Variants in TTPA observed in about 807,000 individuals in gnomAD.
TTPA encodes alpha-tocopherol transfer protein.
TTPA carries 23 observed loss-of-function variants against 25.9 expected under a neutral mutation model. The ratio of observed to expected loss-of-function variants is 0.89; its 90% confidence interval spans 0.64 to 1.26. TTPA has a LOEUF of 1.26. Among genes scored for constraint, TTPA ranks in the 50% most tolerant of loss-of-function variants. TTPA has a pLI of 0.00. For synonymous variants in TTPA, 148 were observed against 137.3 expected (o/e 1.08, Z -0.54); for missense variants, 337 against 353.1 (o/e 0.95, Z 0.37).
Position 63,061,238 on chromosome 8 carries a change from C to T in TTPA, c.*14G>A, listed in dbSNP as rs771452597. ...GTATTTTTAGTTAGGAAGCCATTCA[C>T]ATGACATAACTTCTCATTGAATGCT... On this transcript the variant is annotated 3_prime_UTR_variant, in exon 5 of 5. Coordinates refer to ENST00000260116, the MANE Select transcript of TTPA (RefSeq NM_000370.3). 8 of 1,612,172 alleles carry T rather than the reference C, an allele frequency of 5.0e-6. No individual in the cohort carries two copies. The African/African-American group carries it at 6.7e-5, about 13-fold the overall frequency.
intron 1 of TTPA, among the ~76,000 whole-genome samples, chr8:63,080,051 C>T (rs1001560018): frequency 4.6e-5 from 7 of 152,138 alleles, no homozygotes; most frequent in Admixed American, 6.5e-5. Flanking sequence ...GAAACTGAAC[C>T]ACCTGCTCCT....
At chr8:63,066,596 G>C (rs1044325938) in intron 2 of TTPA, among the ~76,000 whole-genome samples, 3 of 152,114 alleles carry the variant, frequency 2.0e-5, no homozygotes, top group African/African-American at 7.2e-5. Context: ...CAGGAATTGA[G>C]GGCTTGGGAA....
chr8:63,073,951 A>G (rs1007624732), intron 1 of TTPA, among the ~76,000 whole-genome samples: 5 of 152,108 alleles, frequency 3.3e-5, no homozygotes, highest in Admixed American at 3.3e-4. Flanking sequence ...TACAAACACT[A>G]CCAGCATATT....
intron 1 of TTPA, among the ~76,000 whole-genome samples, chr8:63,083,197 C>T (rs932409143): frequency 6.6e-6 from 1 of 152,124 alleles, no homozygotes; most frequent in Non-Finnish European, 1.5e-5. Context: ...CGTATGTTTA[C>T]TGCGGCACTA....
In TTPA at chr8:63,084,016, C is replaced by G. The variant is rs1805705996; in HGVS notation, c.204+1802G>C. Among the ~76,000 whole-genome samples the G allele has an allele frequency of 3.3e-5, 5 of 151,914 alleles. No individual in the cohort carries two copies. The South Asian group carries it at 1.0e-3, about 32-fold the overall frequency. On this transcript the variant is annotated intron_variant, in intron 1 of 4. Transcript: ENST00000260116. ...TCTCCCACTTCAGCCTCCCAAGTAG[C>G]TGGGATTACATGCACGTGCCACCAC...
At chr8:63,076,623 C>A (rs1404786017) in intron 1 of TTPA, among the ~76,000 whole-genome samples, 1 of 152,070 alleles carries the variant, frequency 6.6e-6, no homozygotes, top group African/African-American at 2.4e-5. Flanking sequence ...TATATTATGT[C>A]CCAGAGGCTG....
intron 3 of TTPA, among the ~76,000 whole-genome samples, chr8:63,064,647 C>T (rs970879440): frequency 6.6e-6 from 1 of 152,070 alleles, no homozygotes; most frequent in African/African-American, 2.4e-5. Flanking sequence ...TTATATTTAA[C>T]TTTTTCCCAA....
intron 2 of TTPA, among the ~76,000 whole-genome samples, chr8:63,066,326 G>A (rs962618418): frequency 6.6e-6 from 1 of 152,190 alleles, no homozygotes; most frequent in Non-Finnish European, 1.5e-5. Flanking sequence ...GCGGAAAAAG[G>A]AATGGACACA....
chr8:63,062,250 T>C (rs535193387), intron 4 of TTPA, among the ~76,000 whole-genome samples: 1 of 152,116 alleles, frequency 6.6e-6, no homozygotes, highest in East Asian at 1.9e-4. Flanking sequence ...ATTATGATAG[T>C]TGAGAACCTT....
downstream of TTPA, among the ~76,000 whole-genome samples, chr8:63,059,072 C>T (rs1055182336): frequency 3.0e-4 from 36 of 119,358 alleles, no homozygotes; most frequent in African/African-American, 1.1e-3. Flanking sequence ...CGCTCTGTCA[C>T]CCAGGCTGGA....
At chr8:63,078,876 A>G (rs1805614693) in intron 1 of TTPA, among the ~76,000 whole-genome samples, 1 of 152,166 alleles carries the variant, frequency 6.6e-6, no homozygotes, top group South Asian at 2.1e-4. Context: ...ACCCCAAGAC[A>G]CATAATTGTC....
At chr8:63,085,749 G>C in intron 1 of TTPA, 69 bp downstream of exon 1, 3 of 1,507,172 alleles carry the variant, frequency 2.0e-6, no homozygotes, top group Non-Finnish European at 2.7e-6. Context: ...TCAGATATCC[G>C]GGGTCGTGGG....
At chr8:63,081,226 G>A (rs193271627) in intron 1 of TTPA, among the ~76,000 whole-genome samples, 3 of 151,946 alleles carry the variant, frequency 2.0e-5, no homozygotes, top group African/African-American at 4.8e-5. Flanking sequence ...GATGAACATC[G>A]ATGCAAAAAT....
chr8:63,073,940 A>G (rs1805520508), intron 1 of TTPA, among the ~76,000 whole-genome samples: 1 of 152,216 alleles, frequency 6.6e-6, no homozygotes, highest in Admixed American at 6.5e-5. Flanking sequence ...ATACGCAAAC[A>G]TACAAACACT....
intron 2 of TTPA, among the ~76,000 whole-genome samples, chr8:63,066,466 C>T (rs1426549766): frequency 2.0e-5 from 3 of 152,190 alleles, no homozygotes; most frequent in Non-Finnish European, 2.9e-5. Flanking sequence ...AATTAGGGCC[C>T]CATAGTAACT....
chr8:63,077,315 G>A (rs1421352946), intron 1 of TTPA, among the ~76,000 whole-genome samples: 1 of 152,208 alleles, frequency 6.6e-6, no homozygotes, highest in African/African-American at 2.4e-5. Context: ...TGGTTGGACA[G>A]TGGGTGCAGC....
chr8:63,059,026 T>TTTTTTTG (rs1805248744), downstream of TTPA, among the ~76,000 whole-genome samples: 1 of 100,972 alleles, frequency 9.9e-6, no homozygotes, highest in African/African-American at 3.6e-5. Context: ...TCCAGTTTTT[T>TTTTTTTG]TTTTTTTTTT....
chr8:63,062,309 A>G (rs1408659101), intron 4 of TTPA, among the ~76,000 whole-genome samples: 1 of 152,218 alleles, frequency 6.6e-6, no homozygotes. Context: ...AATGCCCTGA[A>G]GTTAAGAGAA....
At chr8:63,085,139 T>C (rs919816553) in intron 1 of TTPA, among the ~76,000 whole-genome samples, 19 of 152,212 alleles carry the variant, frequency 1.2e-4, no homozygotes, top group Non-Finnish European at 2.6e-4. Context: ...CATCATTATT[T>C]AACAGATAAG....
Sources: allele counts gnomAD v4.1 joint callset (sites outside exome capture counted in the v4.1 genomes callset), GRCh38; gene constraint gnomAD v4.1.1; transcripts MANE v1.5; gene names NCBI Gene and HGNC (gene_info 2026-07-23, HGNC 2026-07-21).